TAFA2: variants seen among roughly 807,000 people sequenced by gnomAD.
TAFA2 encodes the protein chemokine-like protein TAFA-2.
TAFA2 carries 7 observed loss-of-function variants against 18.8 expected under a neutral mutation model. That is an observed-to-expected ratio of 0.37 (90% CI 0.21 to 0.70). The LOEUF (loss-of-function observed/expected upper bound fraction) is 0.70, where lower values mean the gene tolerates loss of function less well. Ranked by LOEUF, TAFA2 falls within the 30% of genes least tolerant of loss-of-function variation. The pLI, the probability that TAFA2 is intolerant of heterozygous loss-of-function variation, is 0.53. For missense variants in TAFA2, 122 were observed against 158.1 expected (o/e 0.77, Z 1.23); for synonymous variants, 60 against 54.2 (o/e 1.11, Z -0.47).
intron 2 of TAFA2, among the ~76,000 whole-genome samples, chr12:61,864,839 A>G (rs1874285110): frequency 6.6e-6 from 1 of 151,850 alleles, no homozygotes; most frequent in South Asian, 2.1e-4. Context: ...GACATCTGTA[A>G]TGCTCTTTAG....
intron 1 of TAFA2, among the ~76,000 whole-genome samples, chr12:62,013,594 C>A (rs1880836655): frequency 6.6e-6 from 1 of 152,156 alleles, no homozygotes; most frequent in South Asian, 2.1e-4. Flanking sequence ...TTAGAAAAAT[C>A]ACCCTTATTA....
chr12:61,911,240 C>T (rs1016283388), intron 1 of TAFA2, among the ~76,000 whole-genome samples: 18 of 152,212 alleles, frequency 1.2e-4, no homozygotes, highest in Non-Finnish European at 1.9e-4. Context: ...CAGGAGGATC[C>T]CTTCCCTGAT....
chr12:62,161,566 G>C (rs1228694861), intron 1 of TAFA2, among the ~76,000 whole-genome samples: 1 of 152,096 alleles, frequency 6.6e-6, no homozygotes, highest in Non-Finnish European at 1.5e-5. Flanking sequence ...GGGCAGGAGG[G>C]GGTGATGCTG....
At chr12:62,016,488 A>C (rs1880940016) in intron 1 of TAFA2, among the ~76,000 whole-genome samples, 1 of 152,174 alleles carries the variant, frequency 6.6e-6, no homozygotes. Flanking sequence ...AAGTCAGAAA[A>C]TACTGGAAAA....
intron 1 of TAFA2, among the ~76,000 whole-genome samples, chr12:61,920,642 A>G (rs1340853839): frequency 1.3e-5 from 2 of 152,102 alleles, no homozygotes; most frequent in South Asian, 2.1e-4. Flanking sequence ...TTTCTTGCAC[A>G]CGTATGTGTG....
At chr12:61,786,249 A>T (rs1172849696) in intron 2 of TAFA2, among the ~76,000 whole-genome samples, 3 of 151,604 alleles carry the variant, frequency 2.0e-5, no homozygotes. Context: ...CCTCAGGAGT[A>T]GGGGATAATT....
At chr12:62,025,867 T>C (rs982263054) in intron 1 of TAFA2, among the ~76,000 whole-genome samples, 1 of 152,094 alleles carries the variant, frequency 6.6e-6, no homozygotes, top group South Asian at 2.1e-4. Flanking sequence ...GGAAAAAATA[T>C]ATTTAATAAA....
chr12:62,160,615 T>C (rs976875829), intron 1 of TAFA2, among the ~76,000 whole-genome samples: 1 of 152,206 alleles, frequency 6.6e-6, no homozygotes, highest in Non-Finnish European at 1.5e-5. Context: ...TGCAAAGTCA[T>C]GTCATAACTT....
chr12:62,055,647 T>C (rs1882169460), intron 1 of TAFA2, among the ~76,000 whole-genome samples: 1 of 152,194 alleles, frequency 6.6e-6, no homozygotes, highest in African/African-American at 2.4e-5. Flanking sequence ...AAAAAGATAT[T>C]AGCTATCTGG....
intron 1 of TAFA2, chr12:62,234,356 T>A (rs2062825781): frequency 1.7e-6 from 1 of 587,746 alleles, no homozygotes; most frequent in Non-Finnish European, 3.3e-6. Flanking sequence ...GGTCCAGTGT[T>A]CTCTGCCTAG....
intron 1 of TAFA2, chr12:61,890,368 C>T (rs1875576534): frequency 6.6e-6 from 1 of 152,240 alleles, no homozygotes; most frequent in African/African-American, 2.4e-5. Context: ...CTTCTTTCTG[C>T]TTCATACATC....
chr12:62,217,966 GTATTTATT>G (rs68172819), intron 1 of TAFA2, among the ~76,000 whole-genome samples: 1,299 of 127,552 alleles, frequency 0.01, 13 homozygotes, highest in African/African-American at 0.038. Flanking sequence ...TTTTATGTAT[GTATTTATT>G]TATTTATTTA....
At chr12:62,001,032 T>C (rs1223578373) in intron 1 of TAFA2, among the ~76,000 whole-genome samples, 2 of 152,206 alleles carry the variant, frequency 1.3e-5, no homozygotes, top group African/African-American at 4.8e-5. Flanking sequence ...ATTGAATCAA[T>C]GTAATTTATT....
intron 1 of TAFA2, among the ~76,000 whole-genome samples, chr12:62,218,443 A>G (rs2062746261): frequency 6.6e-6 from 1 of 152,200 alleles, no homozygotes; most frequent in African/African-American, 2.4e-5. Context: ...TCACATCCCT[A>G]GTTATCAAAG....
intron 2 of TAFA2, among the ~76,000 whole-genome samples, chr12:61,813,419 A>G (rs2121016804): frequency 6.6e-6 from 1 of 151,482 alleles, no homozygotes; most frequent in African/African-American, 2.4e-5. Flanking sequence ...ACTGCAAAAC[A>G]TCTTAGCCAT....
At chr12:61,717,163 C>G (rs968794865) in intron 4 of TAFA2, among the ~76,000 whole-genome samples, 2 of 152,146 alleles carry the variant, frequency 1.3e-5, no homozygotes, top group African/African-American at 4.8e-5. Context: ...CAGGTTTTCT[C>G]ATTTAAGCTT....
chr12:62,093,977 A>T (rs1737188188), intron 1 of TAFA2, among the ~76,000 whole-genome samples: 1 of 152,044 alleles, frequency 6.6e-6, no homozygotes, highest in Admixed American at 6.6e-5. Context: ...TGAGCAACTG[A>T]AGCAAGGTTA....
intron 4 of TAFA2, among the ~76,000 whole-genome samples, chr12:61,714,967 T>C (rs1005148203): frequency 4.6e-5 from 7 of 152,196 alleles, no homozygotes; most frequent in African/African-American, 1.7e-4. Context: ...TCTAACACTA[T>C]GGGGTTGAAT....
chr12:61,954,772 T>C (rs1278742417), intron 1 of TAFA2, among the ~76,000 whole-genome samples: 1 of 152,142 alleles, frequency 6.6e-6, no homozygotes, highest in Admixed American at 6.6e-5. Context: ...TGTATGTGAG[T>C]GATACTAAGC....
Sources: gnomAD v4.1 joint callset for allele counts (sites outside exome capture counted in the v4.1 genomes callset) on GRCh38, gnomAD v4.1.1 for gene constraint, MANE v1.5 for transcripts, NCBI Gene and HGNC (gene_info 2026-07-23, HGNC 2026-07-21) for gene names.